CACNA2D1: variants seen among roughly 807,000 people sequenced by gnomAD.
CACNA2D1 encodes voltage-dependent calcium channel subunit alpha-2/delta-1.
A neutral mutation model predicts 171.5 loss-of-function variants in CACNA2D1; 53 were observed. That is an observed-to-expected ratio of 0.31 (90% CI 0.25 to 0.39). The LOEUF (loss-of-function observed/expected upper bound fraction) is 0.39. Among genes scored for constraint, CACNA2D1 ranks in the 10% least tolerant of loss-of-function variants. CACNA2D1 has a pLI of 1.00. For synonymous variants in CACNA2D1, 442 were observed against 443.1 expected (o/e 1.00, Z 0.03); for missense variants, 903 against 1,299.8 (o/e 0.69, Z 4.69).
At chr7:82,176,756 G>A (rs4732431) in intron 3 of CACNA2D1, among the ~76,000 whole-genome samples, 10 of 151,428 alleles carry the variant, frequency 6.6e-5, no homozygotes, top group East Asian at 2.0e-4. Context: ...ACTAAGGCTC[G>A]TTATATGCAA....
intron 3 of CACNA2D1, among the ~76,000 whole-genome samples, chr7:82,332,817 T>C (rs42057): frequency 0.36 from 54,129 of 151,902 alleles, 9,916 homozygotes; most frequent in East Asian, 0.53. Flanking sequence ...CTGGGCAACA[T>C]AGGGAGACCT....
chr7:82,221,344 CA>C (rs1400517325), intron 3 of CACNA2D1, among the ~76,000 whole-genome samples: 1 of 151,952 alleles, frequency 6.6e-6, no homozygotes, highest in South Asian at 2.1e-4. Context: ...ATACACATAT[CA>C]AAAAAATATG....
At chr7:82,120,873 T>TTAAAA (rs1584820721) in intron 5 of CACNA2D1, among the ~76,000 whole-genome samples, 1 of 41,730 alleles carries the variant, frequency 2.4e-5, no homozygotes. Flanking sequence ...AGACTCTATC[T>TTAAAA]CAAAAAAAAA....
chr7:82,121,267 G>C (rs1584822079), intron 5 of CACNA2D1, among the ~76,000 whole-genome samples: 2 of 152,086 alleles, frequency 1.3e-5, no homozygotes, highest in Non-Finnish European at 2.9e-5. Context: ...ATGCTGTCCA[G>C]GCTGGTCTCA....
chr7:82,015,378 A>C (rs37138), intron 12 of CACNA2D1, among the ~76,000 whole-genome samples: 3,095 of 152,272 alleles, frequency 0.02, 98 homozygotes, highest in African/African-American at 0.069. Flanking sequence ...CTAAGCTCCT[A>C]GGATTTTTAA....
At chr7:82,216,910 A>C (rs1216501982) in intron 3 of CACNA2D1, among the ~76,000 whole-genome samples, 1 of 144,664 alleles carries the variant, frequency 6.9e-6, no homozygotes, top group Non-Finnish European at 1.5e-5. Context: ...AAAAAAAAAG[A>C]AAGCTGGTTA....
intron 15 of CACNA2D1, among the ~76,000 whole-genome samples, chr7:82,010,552 TC>T (rs1799664864): frequency 6.6e-6 from 1 of 152,096 alleles, no homozygotes; most frequent in African/African-American, 2.4e-5. Flanking sequence ...ACTCCTCCTA[TC>T]ATACACTGTC....
chr7:82,319,767 C>A (rs762403506), intron 3 of CACNA2D1, among the ~76,000 whole-genome samples: 20 of 152,126 alleles, frequency 1.3e-4, no homozygotes, highest in Non-Finnish European at 2.5e-4. Context: ...TCACAATAGA[C>A]CAACATTTAT....
At chr7:82,031,203 GCA>G (rs1802654917) in intron 12 of CACNA2D1, among the ~76,000 whole-genome samples, 2 of 151,720 alleles carry the variant, frequency 1.3e-5, no homozygotes, top group South Asian at 4.2e-4. Context: ...ATATGGCTTT[GCA>G]CAGTGTGCTA....
intron 4 of CACNA2D1, among the ~76,000 whole-genome samples, chr7:82,150,275 ACAACAAC>A (rs150591331): frequency 0.036 from 2,311 of 63,386 alleles, 191 homozygotes; most frequent in African/African-American, 0.14. Flanking sequence ...AAAAACAAAA[ACAACAAC>A]AAAAAAAAAC....
At chr7:82,293,223 A>C (rs1260942002) in intron 3 of CACNA2D1, among the ~76,000 whole-genome samples, 1 of 151,876 alleles carries the variant, frequency 6.6e-6, no homozygotes, top group Non-Finnish European at 1.5e-5. Context: ...AGGATGTATA[A>C]TATCATTTTT....
intron 16 of CACNA2D1, among the ~76,000 whole-genome samples, chr7:82,006,249 T>C (rs1799106265): frequency 6.6e-6 from 1 of 152,044 alleles, no homozygotes; most frequent in Non-Finnish European, 1.5e-5. Flanking sequence ...TTAAAGATTA[T>C]ACAATATAGA....
At chr7:82,320,916 A>G (rs1465525165) in intron 3 of CACNA2D1, among the ~76,000 whole-genome samples, 2 of 152,140 alleles carry the variant, frequency 1.3e-5, no homozygotes, top group African/African-American at 2.4e-5. Flanking sequence ...CAGATTTTAT[A>G]TAAGTTAATG....
chr7:82,005,313 T>C (rs1383727411), intron 18 of CACNA2D1, 110 bp downstream of exon 18: 1 of 736,548 alleles, frequency 1.4e-6, no homozygotes, highest in Non-Finnish European at 2.4e-6. Context: ...TTAGAGACTG[T>C]ACTTTGATAT....
At position 82,001,482 on chromosome 7, in the gene CACNA2D1, A is replaced by G. The variant is rs560904452; in HGVS notation, c.1590+3941T>C. 6.0e-4 allele frequency among the ~76,000 whole-genome samples: 92 copies of G among 152,278 alleles called. 1 individual carries two copies. Among genetic ancestry groups the G allele is most frequent in the Non-Finnish European group, 1.1e-3 (72 of 68,016 alleles). The stretch of plus-strand genomic sequence containing the variant: ...TAGCCAATACACACCCTCTACCATC[A>G]TTAATAACATTTTTGCTCCAGCTTA... On this transcript the variant is annotated intron_variant, in intron 18 of 38. Transcript: ENST00000356860.
chr7:82,357,860 A>AT (rs1160291414), intron 1 of CACNA2D1, among the ~76,000 whole-genome samples: 2 of 148,304 alleles, frequency 1.3e-5, no homozygotes, highest in Non-Finnish European at 3.0e-5. Context: ...TTAAAGTATA[A>AT]TAAAAAAAAA....
At chr7:82,114,511 A>G (rs1266740624) in intron 6 of CACNA2D1, among the ~76,000 whole-genome samples, 3 of 152,130 alleles carry the variant, frequency 2.0e-5, no homozygotes, top group African/African-American at 7.2e-5. Flanking sequence ...TTAGGAGGCC[A>G]AGGCGGGTGG....
intron 1 of CACNA2D1, among the ~76,000 whole-genome samples, chr7:82,439,836 CTG>C (rs1316351680): frequency 6.6e-6 from 1 of 151,814 alleles, no homozygotes; most frequent in African/African-American, 2.4e-5. Flanking sequence ...TTAATGTTCA[CTG>C]TTTCAGGTTT....
intron 18 of CACNA2D1, 125 bp from the exon 19 acceptor site, chr7:81,997,375 G>GC: frequency 1.8e-6 from 1 of 552,728 alleles, no homozygotes; most frequent in South Asian, 2.1e-5. Context: ...TTGTATAAAG[G>GC]TATCTTCTTT....
Sources: allele counts gnomAD v4.1 joint callset (sites outside exome capture counted in the v4.1 genomes callset), GRCh38; gene constraint gnomAD v4.1.1; transcripts MANE v1.5; gene names NCBI Gene and HGNC (gene_info 2026-07-23, HGNC 2026-07-21).